Variants in AAGAB observed in about 807,000 individuals in gnomAD.
The protein encoded by AAGAB is alpha- and gamma-adaptin-binding protein p34.
Under a neutral mutation model 44.1 loss-of-function variants are expected in AAGAB, and 38 were observed. That is an observed-to-expected ratio of 0.86 (90% CI 0.67 to 1.13). AAGAB has a LOEUF of 1.13. Ranked by LOEUF, AAGAB falls within the 50% of genes most tolerant of loss-of-function variation. The probability of loss-of-function intolerance (pLI) is 0.00; values close to 1 mark genes in which losing one functional copy is unlikely to be tolerated. For missense variants in AAGAB, 450 were observed against 373.8 expected (o/e 1.20, Z -1.68); for synonymous variants, 131 against 131.8 (o/e 0.99, Z 0.04).
intron 1 of AAGAB, among the ~76,000 whole-genome samples, chr15:67,248,785 T>C (rs1443588358): frequency 2.0e-5 from 3 of 152,198 alleles, no homozygotes; most frequent in East Asian, 1.9e-4. Context: ...ACCCATTATA[T>C]AATTGTGCTT....
chr15:67,222,478 C>T (rs1256568188), intron 5 of AAGAB, among the ~76,000 whole-genome samples: 2 of 152,106 alleles, frequency 1.3e-5, no homozygotes, highest in Non-Finnish European at 2.9e-5. Flanking sequence ...TCTCAACTGA[C>T]ATCCTGGCCT....
intron 1 of AAGAB, 79 bp from the exon 2 acceptor site, chr15:67,236,899 T>G (rs1964484263): frequency 8.7e-7 from 1 of 1,155,680 alleles, no homozygotes; most frequent in Non-Finnish European, 1.2e-6. Context: ...AGATACCAGA[T>G]AAAGCTGGTA....
chr15:67,250,584 T>G (rs1010193663), intron 1 of AAGAB, among the ~76,000 whole-genome samples: 1 of 152,178 alleles, frequency 6.6e-6, no homozygotes, highest in Non-Finnish European at 1.5e-5. Context: ...TTAATAAATA[T>G]TCATCAGAAT....
chr15:67,206,987 G>A (rs1963698164), intron 7 of AAGAB, among the ~76,000 whole-genome samples: 1 of 152,122 alleles, frequency 6.6e-6, no homozygotes. Context: ...TTTGAGACCA[G>A]CCTGACCAAC....
intron 1 of AAGAB, chr15:67,242,735 A>G (rs1184634611): frequency 7.2e-5 from 11 of 152,156 alleles, no homozygotes. Flanking sequence ...GTGTAATCAT[A>G]CCCCAGTCTT....
At chr15:67,232,482 A>C (rs2140374276) in intron 4 of AAGAB, 1 of 309,888 alleles carries the variant, frequency 3.2e-6, no homozygotes, top group East Asian at 8.5e-5. Flanking sequence ...TGGAAAGTTC[A>C]TGACCAACCA....
At chr15:67,226,858 A>G (rs547079734) in intron 5 of AAGAB, 32 of 213,700 alleles carry the variant, frequency 1.5e-4, no homozygotes, top group Non-Finnish European at 2.7e-4. Flanking sequence ...ATCTGGGTGG[A>G]GGGCAGGAAG....
intron 1 of AAGAB, among the ~76,000 whole-genome samples, chr15:67,241,053 A>ACACACACACT: frequency 6.7e-6 from 1 of 150,286 alleles, no homozygotes; most frequent in East Asian, 1.9e-4. Context: ...ACACACACAC[A>ACACACACACT]CACACACACA....
At chr15:67,254,377 GC>G in intron 1 of AAGAB, 181 bp downstream of exon 1, 1 of 1,388,744 alleles carries the variant, frequency 7.2e-7, no homozygotes, top group Non-Finnish European at 9.4e-7. Context: ...GGCCGAGTGG[GC>G]AGAAAAGCAC....
At chr15:67,251,215 CGT>C (rs759231047) in intron 1 of AAGAB, among the ~76,000 whole-genome samples, 91 of 143,462 alleles carry the variant, frequency 6.3e-4, no homozygotes, top group African/African-American at 1.5e-3. Flanking sequence ...ATTTTAAGTG[CGT>C]GTGTGTGTGT....
intron 7 of AAGAB, among the ~76,000 whole-genome samples, chr15:67,204,470 C>T (rs902352787): frequency 2.6e-5 from 4 of 152,256 alleles, no homozygotes; most frequent in East Asian, 1.9e-4. Context: ...GTTTCCAACT[C>T]GGAAAGCATA....
In AAGAB at chr15:67,235,967, A is replaced by G. The variant is rs757660676; in HGVS notation, c.451+12T>C. The G allele has an allele frequency of 7.6e-5, 120 of 1,580,452 alleles. No homozygotes were observed. Among genetic ancestry groups the G allele is most frequent in the Non-Finnish European group, 1.0e-4 (118 of 1,154,084 alleles). On this transcript the variant is annotated intron_variant, in intron 4 of 9. Coordinates refer to ENST00000261880, the MANE Select transcript of AAGAB (RefSeq NM_024666.5). The stretch of plus-strand genomic sequence containing the variant: ...TAAGTGCCATATTTTCTCCTAACAC[A>G]TAAACACTTACCATCCTCCTCAGGC...
chr15:67,244,509 C>T (rs953120081), intron 1 of AAGAB, among the ~76,000 whole-genome samples: 9 of 151,878 alleles, frequency 5.9e-5, no homozygotes, highest in South Asian at 2.1e-4. Context: ...AATTTAAAAG[C>T]GGGCAAAAAA....
At position 67,236,619 on chromosome 15, in the gene AAGAB, C is replaced by G. The variant is rs768092505; in HGVS notation, c.264+11G>C. 6.2e-7 allele frequency: 1 copy of G among 1,610,448 alleles called. No individual in the cohort carries two copies. Among genetic ancestry groups the G allele is most frequent in the Non-Finnish European group, 8.5e-7 (1 of 1,178,334 alleles). On this transcript the variant is annotated intron_variant, in intron 2 of 9. Transcript: ENST00000261880. ...TTCTTATTCAAGCCTTCATAGAAAA[C>G]AAAGTCTTACTTGTGTGCTGTCAAA...
At chr15:67,214,851 AG>A (rs1963905791) in intron 5 of AAGAB, among the ~76,000 whole-genome samples, 1 of 152,018 alleles carries the variant, frequency 6.6e-6, no homozygotes, top group Non-Finnish European at 1.5e-5. Flanking sequence ...CGTGTTAGCC[AG>A]GATGGTCTCA....
At chr15:67,222,930 A>G (rs1964116841) in intron 5 of AAGAB, among the ~76,000 whole-genome samples, 1 of 152,160 alleles carries the variant, frequency 6.6e-6, no homozygotes, top group Admixed American at 6.5e-5. Context: ...CTGCTCTTCA[A>G]GGTCACTAAT....
upstream of AAGAB, chr15:67,254,881 G>C (rs937732358): frequency 6.2e-7 from 1 of 1,612,886 alleles, no homozygotes. Flanking sequence ...GGAGGTAGCC[G>C]TTCCCTGACC....
At chr15:67,229,971 T>A (rs1964297429) in intron 5 of AAGAB, among the ~76,000 whole-genome samples, 1 of 151,792 alleles carries the variant, frequency 6.6e-6, no homozygotes, top group African/African-American at 2.4e-5. Context: ...CTCAGCCTCC[T>A]GAGTAGCTGG....
chr15:67,245,759 T>C (rs1964706761), intron 1 of AAGAB, among the ~76,000 whole-genome samples: 1 of 152,196 alleles, frequency 6.6e-6, no homozygotes, highest in South Asian at 2.1e-4. Context: ...TCAATATTCA[T>C]GGAATGAAGT....
Sources: gnomAD v4.1 joint callset for allele counts (sites outside exome capture counted in the v4.1 genomes callset) on GRCh38, gnomAD v4.1.1 for gene constraint, MANE v1.5 for transcripts, NCBI Gene and HGNC (gene_info 2026-07-23, HGNC 2026-07-21) for gene names.